The following TSR1 variants were observed in gnomAD, a reference collection of about 807,000 sequenced individuals.
TSR1 encodes the protein pre-rRNA-processing protein TSR1 homolog.
In TSR1, 81 loss-of-function variants were observed where a neutral mutation model predicts 90.9. The observed-to-expected ratio is 0.89, with a 90% CI of 0.74 to 1.07. TSR1 has a LOEUF of 1.07. Ranked by LOEUF, TSR1 falls within the 50% of genes least tolerant of loss-of-function variation. TSR1 has a pLI of 0.00. For missense variants in TSR1, 989 were observed against 987.3 expected, an observed-to-expected ratio of 1.00 and a Z score of -0.02; for synonymous variants, 362 against 348.8, an observed-to-expected ratio of 1.04 and a Z score of -0.42.
At chr17:2,324,909 C>G in intron 12 of TSR1, 80 bp from the exon 13 acceptor site, 1 of 1,489,252 alleles carries the variant, frequency 6.7e-7, no homozygotes, top group Admixed American at 2.3e-5. Context: ...TTTAAAGACC[C>G]ATGCAAGAGC....
rs776640503 is a variant in TSR1, at chr17:2,333,713, A to C, written c.985T>G (p.Cys329Gly). 3.7e-6 allele frequency: 6 copies of C among 1,613,924 alleles called. No homozygotes were observed. In the Admixed American group the frequency reaches 5.0e-5, roughly 13 times the overall value. Residue 329 changes from cysteine (C) to glycine (G), a missense_variant, in exon 6 of 15, where the codon TGT becomes GGT. Coordinates refer to ENST00000301364, the MANE Select transcript of TSR1 (RefSeq NM_018128.5). Reference protein sequence around the residue: ...QKDPDMAMEICATDAVDDMEE... With the variant: ...QKDPDMAMEIGATDAVDDMEE... Reference sequence around the variant, plus strand: ...ATATCATCTACAGCATCCGTAGCACAAATCTGAAAACCAAAAGCAGGTGAT... The same window carrying C: ...ATATCATCTACAGCATCCGTAGCACCAATCTGAAAACCAAAAGCAGGTGAT...
In TSR1 at chr17:2,336,421, C is replaced by G; in HGVS notation, c.7G>C (p.Ala3Pro). 6.2e-7 allele frequency: 1 copy of G among 1,610,300 alleles called. No homozygotes were observed. Among genetic ancestry groups the G allele is most frequent in the South Asian group, 1.1e-5 (1 of 90,968 alleles). The change falls in exon 1 of 15, where the codon GCC becomes CCC. Residue 3 changes from alanine (A) to proline (P), a missense_variant. Transcript: ENST00000301364. MA[A>P]HRPGPLKQQN... ...TGCTTGAGCGGGCCGGGGCGGTGGGCCGCCATGCCGCAGCGCGCGTGTACG... is the reference window on the plus strand; with the variant it reads ...TGCTTGAGCGGGCCGGGGCGGTGGGGCGCCATGCCGCAGCGCGCGTGTACG...
chr17:2,330,583 A>T lies in TSR1; in HGVS notation c.1702T>A (p.Ser568Thr), dbSNP rs2075598990. 1 of 1,614,080 alleles carries T rather than the reference A, an allele frequency of 6.2e-7. No individual in the cohort carries two copies. The highest frequency in any genetic ancestry group is 8.5e-7 in the Non-Finnish European group (1 of 1,180,012). ...VTLHVSEVPV[S>T]VVECFRQGTP... Reference sequence around the variant, plus strand: ...CCTTGCCTGAAGCACTCGACCACTGAGACGGGGACTTCAGAGACATGAAGT... The same window carrying T: ...CCTTGCCTGAAGCACTCGACCACTGTGACGGGGACTTCAGAGACATGAAGT... The change falls in exon 10 of 15, where the codon TCA becomes ACA. Residue 568 changes from serine (S) to threonine (T), a missense_variant. Coordinates refer to ENST00000301364, the MANE Select transcript of TSR1 (RefSeq NM_018128.5).
chr17:2,324,462 T>C, intron 14 of TSR1, 42 bp downstream of exon 14: 1 of 1,613,998 alleles, frequency 6.2e-7, no homozygotes, highest in South Asian at 1.1e-5. Context: ...TTAGCAACAC[T>C]GCAGAAATGC....
chr17:2,323,487 T>C lies in TSR1; in HGVS notation c.*709A>G. 6.1e-6 allele frequency: 7 copies of C among 1,156,948 alleles called. No individual in the cohort carries two copies. Among genetic ancestry groups the C allele is most frequent in the South Asian group, 2.9e-5 (2 of 68,362 alleles). The allele number at this position is 1,156,948 out of a possible 1,614,324, so 71.7% of individuals were successfully genotyped here. A position where few individuals can be genotyped will look rare whatever the true frequency, so the allele number is the denominator to read the frequency against. ...TGGGAGGGTACCCTAGATGTATTAA[T>C]GACAACCCTCTTGACAGAAGCAGAG... On this transcript the variant is annotated 3_prime_UTR_variant, in exon 15 of 15. Coordinates refer to ENST00000301364, the MANE Select transcript of TSR1 (RefSeq NM_018128.5).
chr17:2,324,073 T>C lies in TSR1; in HGVS notation c.*123A>G, dbSNP rs573098117. On this transcript the variant is annotated 3_prime_UTR_variant, in exon 15 of 15. Coordinates refer to ENST00000301364, the MANE Select transcript of TSR1 (RefSeq NM_018128.5). ...ATTTTGTCAAGGCTAAAAAAAAGTC[T>C]TGCAAAATGGGGCAGTGGACTGACA... 15 of 1,380,492 alleles carry C rather than the reference T, an allele frequency of 1.1e-5. No homozygotes were observed. Among genetic ancestry groups the C allele is most frequent in the Non-Finnish European group, 1.5e-5 (15 of 1,021,354 alleles). 85.5% of individuals were successfully genotyped at this position (1,380,492 alleles called of 1,614,324 possible). A position where few individuals can be genotyped will look rare whatever the true frequency, so the allele number is the denominator to read the frequency against.
At position 2,322,917 on chromosome 17, in the gene TSR1, A is replaced by T; in HGVS notation, c.*1279T>A. ...GTAGCTGGGATTACAGGGGTCTGCC[A>T]CCACGCCTGGCTGATTTTCCTATTT... On this transcript the variant is annotated 3_prime_UTR_variant, in exon 15 of 15. Coordinates refer to ENST00000301364, the MANE Select transcript of TSR1 (RefSeq NM_018128.5). 1 of 507,868 alleles carries T rather than the reference A, an allele frequency of 2.0e-6. No homozygotes were observed. The highest frequency in any genetic ancestry group is 3.6e-6 in the Non-Finnish European group (1 of 279,846). 31.5% of individuals were successfully genotyped at this position (507,868 alleles called of 1,614,324 possible).
intron 7 of TSR1, 28 bp downstream of exon 7, chr17:2,332,933 G>A (rs1278662055): frequency 6.8e-6 from 11 of 1,607,594 alleles, no homozygotes; most frequent in Non-Finnish European, 8.5e-6. Flanking sequence ...GCTAGACACA[G>A]AATTGGCCTA....
In TSR1 at chr17:2,330,500, A is replaced by T; in HGVS notation, c.1770+15T>A. On this transcript the variant is annotated intron_variant, in intron 10 of 14. Transcript: ENST00000301364. Reference sequence around the variant, plus strand: ...GTTTCACAACCCCCCATTTTCCCACAAGACAGCAATTTACCTTCTGTTCAT... The same window carrying T: ...GTTTCACAACCCCCCATTTTCCCACTAGACAGCAATTTACCTTCTGTTCAT... The T allele has an allele frequency of 2.5e-6, 4 of 1,610,262 alleles. No individual in the cohort carries two copies.
At chr17:2,335,867 G>A (rs1293900309) in intron 2 of TSR1, 137 bp from the exon 3 acceptor site, 1 of 1,257,454 alleles carries the variant, frequency 8.0e-7, no homozygotes, top group East Asian at 2.5e-5. Context: ...TGCCAGCGGG[G>A]TGGCAGGAAT....
chr17:2,334,321 T>A, intron 5 of TSR1, 151 bp downstream of exon 5: 1 of 830,512 alleles, frequency 1.2e-6, no homozygotes, highest in Non-Finnish European at 1.9e-6. Flanking sequence ...GATAAATATG[T>A]GATTTATCAA....
intron 11 of TSR1, among the ~76,000 whole-genome samples, chr17:2,327,851 T>C (rs975870899): frequency 3.1e-4 from 47 of 152,172 alleles, no homozygotes; most frequent in Admixed American, 2.8e-3. Context: ...GAATTTTCTC[T>C]AATATAAGGT....
chr17:2,332,905 C>G (rs1567784551), intron 7 of TSR1, 56 bp downstream of exon 7: 14 of 1,566,170 alleles, frequency 8.9e-6, no homozygotes, highest in Non-Finnish European at 1.2e-5. Context: ...CACACCTGCA[C>G]TTTGCCTTAC....
intron 9 of TSR1, 58 bp downstream of exon 9, chr17:2,330,889 G>A (rs1269620076): frequency 6.6e-7 from 1 of 1,522,274 alleles, no homozygotes; most frequent in Non-Finnish European, 8.8e-7. Flanking sequence ...AAGGAATAAA[G>A]TAGGGAGCAT....
Position 2,323,718 on chromosome 17 carries a change from G to A in TSR1, c.*478C>T. On this transcript the variant is annotated 3_prime_UTR_variant, in exon 15 of 15. Transcript: ENST00000301364. ...CATTGAACCTACAGCTGGTGTTGGAGTGGCTGCTGTGCTGTCTCAACATTT... is the reference window on the plus strand; with the variant it reads ...CATTGAACCTACAGCTGGTGTTGGAATGGCTGCTGTGCTGTCTCAACATTT... The A allele has an allele frequency of 2.5e-6, 4 of 1,614,058 alleles. No homozygotes were observed. The highest frequency in any genetic ancestry group is 1.1e-5 in the South Asian group (1 of 91,084).
At position 2,330,953 on chromosome 17, in the gene TSR1, T is replaced by C. The variant is rs1340552747; in HGVS notation, c.1653A>G (p.Gly551=). The change falls in exon 9 of 15, where the codon GGA becomes GGG. Residue 551 remains glycine (G), a synonymous_variant. Coordinates refer to ENST00000301364, the MANE Select transcript of TSR1 (RefSeq NM_018128.5). ...FKEVEEKEVE[G]AEVGWYVTLH... is the part of the protein sequence containing the mutation. ...GAACAAGGAGGATAGATACCTCAGC[T>C]CCTTCAACCTCTTTTTCTTCAACCT... The C allele has an allele frequency of 6.3e-7, 1 of 1,586,384 alleles. No homozygotes were observed. Among genetic ancestry groups the C allele is most frequent in the Admixed American group, 1.9e-5 (1 of 51,946 alleles).
chr17:2,323,401 AG>A lies in TSR1; in HGVS notation c.*794del. 4 of 1,601,430 alleles carry A rather than the reference AG, an allele frequency of 2.5e-6. No homozygotes were observed. The highest frequency in any genetic ancestry group is 3.4e-6 in the Non-Finnish European group (4 of 1,169,726). ...AGCATGGTGTAACTTCTTAGGCAGA[AG>A]AAACTTCCCTTAGGAGTAGCAAGTG... On this transcript the variant is annotated 3_prime_UTR_variant, in exon 15 of 15. Transcript: ENST00000301364.
At position 2,332,341 on chromosome 17, in the gene TSR1, C is replaced by T. The variant is rs763903564; in HGVS notation, c.1324G>A (p.Glu442Lys). The T allele has an allele frequency of 1.2e-6, 2 of 1,604,664 alleles. No homozygotes were observed. The highest frequency in any genetic ancestry group is 3.5e-5 in the Admixed American group (2 of 57,026). ...ATAGTCATAGTTTCATATTCTTCCTCTTCTTCACTACTCTCATCCTGTAGA... is the reference window on the plus strand; with the variant it reads ...ATAGTCATAGTTTCATATTCTTCCTTTTCTTCACTACTCTCATCCTGTAGA... ...EESQDESSEEEEEYETMTIGE... is the reference protein window; with the variant it reads ...EESQDESSEEKEEYETMTIGE... Residue 442 changes from glutamate (E) to lysine (K), a missense_variant, in exon 8 of 15, where the codon GAG (glutamate) becomes AAG (lysine). Coordinates refer to ENST00000301364, the MANE Select transcript of TSR1 (RefSeq NM_018128.5).
intron 10 of TSR1, 84 bp downstream of exon 10, chr17:2,330,431 G>A (rs1181998066): frequency 1.5e-6 from 2 of 1,294,672 alleles, no homozygotes; most frequent in Non-Finnish European, 2.2e-6. Context: ...CAAAATTTTA[G>A]TCACACATAA....
Sources: allele counts gnomAD v4.1 joint callset (sites outside exome capture counted in the v4.1 genomes callset), GRCh38; gene constraint gnomAD v4.1.1; transcripts MANE v1.5; gene names NCBI Gene and HGNC (gene_info 2026-07-23, HGNC 2026-07-21).